The following TYW1 variants were observed in gnomAD, a reference collection of about 807,000 sequenced individuals.
The protein encoded by TYW1 is tRNA-yW synthesizing protein 1 homolog, also known as S-adenosyl-L-methionine-dependent tRNA 4-demethylwyosine synthase TYW1.
TYW1 carries 46 observed loss-of-function variants against 96.2 expected under a neutral mutation model. The observed-to-expected ratio is 0.48, with a 90% CI of 0.38 to 0.61. TYW1 has a LOEUF of 0.61. Ranked by LOEUF, TYW1 falls within the 20% of genes least tolerant of loss-of-function variation. The probability of loss-of-function intolerance (pLI) is 0.00; values close to 1 mark genes in which losing one functional copy is unlikely to be tolerated. For synonymous variants in TYW1, 274 were observed against 323.0 expected (o/e 0.85, Z 1.63); for missense variants, 684 against 909.6 (o/e 0.75, Z 3.19).
intron 3 of TYW1, among the ~76,000 whole-genome samples, chr7:67,002,724 AT>A (rs1285775190): frequency 2.0e-5 from 3 of 148,338 alleles, no homozygotes; most frequent in East Asian, 2.0e-4. Context: ...TCTTGGATGA[AT>A]TTTTTTTTCC....
intron 13 of TYW1, among the ~76,000 whole-genome samples, chr7:67,149,570 A>G (rs755349287): frequency 8.3e-5 from 7 of 84,248 alleles, no homozygotes; most frequent in Middle Eastern, 6.3e-3. Context: ...ACACTGGGGG[A>G]AAAAATGTGT....
intron 11 of TYW1, among the ~76,000 whole-genome samples, chr7:67,092,171 A>G (rs1029373652): frequency 6.6e-6 from 1 of 151,946 alleles, no homozygotes; most frequent in Non-Finnish European, 1.5e-5. Context: ...CCTACATCCA[A>G]TCCATTTGAA....
At chr7:67,199,445 G>A (rs1800516689) in intron 15 of TYW1, among the ~76,000 whole-genome samples, 1 of 152,088 alleles carries the variant, frequency 6.6e-6, no homozygotes, top group African/African-American at 2.4e-5. Context: ...TCTATGAAAA[G>A]GTACCTTAAG....
chr7:67,124,168 A>G (rs146723970), intron 13 of TYW1, among the ~76,000 whole-genome samples: 9 of 152,358 alleles, frequency 5.9e-5, no homozygotes, highest in Admixed American at 5.9e-4. Flanking sequence ...TACATCTTCT[A>G]CGGTTTTTAT....
chr7:67,061,884 TA>T (rs1192714711), intron 9 of TYW1, among the ~76,000 whole-genome samples: 1 of 152,054 alleles, frequency 6.6e-6, no homozygotes, highest in East Asian at 1.9e-4. Context: ...ATATTTTAAG[TA>T]AAGAACCAAA....
intron 9 of TYW1, among the ~76,000 whole-genome samples, chr7:67,066,037 A>ACACC (rs1406170169): frequency 4.5e-5 from 6 of 134,542 alleles, no homozygotes; most frequent in Non-Finnish European, 8.3e-5. Context: ...ACACACCCAC[A>ACACC]CCCCTATACA....
intron 12 of TYW1, among the ~76,000 whole-genome samples, chr7:67,109,902 C>T (rs1797349836): frequency 6.6e-6 from 1 of 152,038 alleles, no homozygotes; most frequent in African/African-American, 2.4e-5. Flanking sequence ...AAAAGAAAAC[C>T]AGTAGCTCAC....
intron 15 of TYW1, among the ~76,000 whole-genome samples, chr7:67,233,513 A>G (rs11762183): frequency 0.45 from 59,035 of 131,160 alleles, 19,529 homozygotes; most frequent in Middle Eastern, 0.6. Flanking sequence ...ATCTTATTGC[A>G]CTTGTGTGTT....
chr7:67,051,539 A>G (rs1409052752), intron 8 of TYW1, among the ~76,000 whole-genome samples: 3 of 152,164 alleles, frequency 2.0e-5, no homozygotes, highest in Admixed American at 6.6e-5. Context: ...ACCTATTTTT[A>G]TATCTAACCC....
intron 13 of TYW1, among the ~76,000 whole-genome samples, chr7:67,143,455 G>A (rs1169894811): frequency 6.6e-6 from 1 of 152,164 alleles, no homozygotes; most frequent in Non-Finnish European, 1.5e-5. Context: ...CAGACTGATA[G>A]GGAGTTAGAA....
chr7:67,002,856 C>CTTT (rs547425705), intron 3 of TYW1, among the ~76,000 whole-genome samples: 7 of 110,884 alleles, frequency 6.3e-5, no homozygotes, highest in African/African-American at 2.3e-4. Context: ...TTTCTTTTTT[C>CTTT]TTTTTTTTTT....
At position 67,158,552 on chromosome 7, in the gene TYW1, C is replaced by A. The variant is rs565747871; in HGVS notation, c.1699-24574C>A. 2.2e-4 allele frequency among the ~76,000 whole-genome samples: 34 copies of A among 152,122 alleles called. No homozygotes were observed. The South Asian group carries it at 6.6e-3, about 30-fold the overall frequency. ...ATACCTGGAATAAATCCCAGCTGGT[C>A]AGCAGGTATATTATTATTGTTATTA... On this transcript the variant is annotated intron_variant, in intron 13 of 15. Transcript: ENST00000359626.
At position 67,122,036 on chromosome 7, in the gene TYW1, G is replaced by A. The variant is rs200598621; in HGVS notation, c.1698+4418G>A. The stretch of plus-strand genomic sequence containing the variant: ...AGAAATATATCTTATACAAGAAAAC[G>A]CTGCCAGCTTTTAGCAGTAAACTTT... On this transcript the variant is annotated intron_variant, in intron 13 of 15. Coordinates refer to ENST00000359626, the MANE Select transcript of TYW1 (RefSeq NM_018264.4). 2.6e-5 allele frequency among the ~76,000 whole-genome samples: 4 copies of A among 151,254 alleles called. No individual in the cohort carries two copies. The South Asian group carries it at 6.3e-4, about 24-fold the overall frequency.
chr7:67,002,274 T>C (rs1278443539), intron 3 of TYW1, among the ~76,000 whole-genome samples: 1 of 151,352 alleles, frequency 6.6e-6, no homozygotes, highest in African/African-American at 2.4e-5. Flanking sequence ...TGGTCTTGAC[T>C]CCTGGCCTCA....
chr7:67,077,859 T>G (rs1015741161), intron 10 of TYW1, among the ~76,000 whole-genome samples: 1 of 152,232 alleles, frequency 6.6e-6, no homozygotes, highest in African/African-American at 2.4e-5. Context: ...TTTCACAGTA[T>G]GTAATTTCAC....
At chr7:67,083,822 G>A (rs1253423552) in intron 11 of TYW1, among the ~76,000 whole-genome samples, 1 of 152,198 alleles carries the variant, frequency 6.6e-6, no homozygotes, top group Non-Finnish European at 1.5e-5. Flanking sequence ...ATCACCTGAG[G>A]TCAGGAGTTC....
rs138633039 is a variant in TYW1, at chr7:67,211,728, C to G, written c.1977+16391C>G. ...AGACCTGGCTCCCACCCTCAGCCAT[C>G]CATTTACTTCACTATTCGACTGCAG... On this transcript the variant is annotated intron_variant, in intron 15 of 15. Transcript: ENST00000359626. 7.0e-3 allele frequency among the ~76,000 whole-genome samples: 1,068 copies of G among 152,330 alleles called. 7 individuals carry two copies. Among genetic ancestry groups the G allele is most frequent in the African/African-American group, 0.024 (1,002 of 41,562 alleles).
chr7:67,068,067 G>GGTGGA (rs1305467409), intron 10 of TYW1, among the ~76,000 whole-genome samples: 1 of 151,026 alleles, frequency 6.6e-6, no homozygotes, highest in Non-Finnish European at 1.5e-5. Context: ...TGTTGCCCAG[G>GGTGGA]GTGGAGGGCA....
intron 7 of TYW1, among the ~76,000 whole-genome samples, chr7:67,026,521 C>T (rs985998489): frequency 3.3e-5 from 5 of 152,176 alleles, no homozygotes; most frequent in Admixed American, 2.0e-4. Context: ...GATGTCAGTT[C>T]TCTTAATATA....
Sources: gnomAD v4.1 joint callset for allele counts (sites outside exome capture counted in the v4.1 genomes callset) on GRCh38, gnomAD v4.1.1 for gene constraint, MANE v1.5 for transcripts, NCBI Gene and HGNC (gene_info 2026-07-23, HGNC 2026-07-21) for gene names.